Variants in SCN2A observed in about 807,000 individuals in gnomAD.
SCN2A encodes sodium voltage-gated channel alpha subunit 2.
SCN2A carries 20 observed loss-of-function variants against 188.7 expected under a neutral mutation model. The observed-to-expected ratio is 0.11, with a 90% CI of 0.07 to 0.15. The LOEUF (loss-of-function observed/expected upper bound fraction) is 0.15, where lower values mean the gene tolerates loss of function less well. Ranked by LOEUF, SCN2A falls within the 10% of genes least tolerant of loss-of-function variation. The probability of loss-of-function intolerance (pLI) is 1.00; values close to 1 mark genes in which losing one functional copy is unlikely to be tolerated. For missense variants in SCN2A, 1,278 were observed against 2,445.0 expected (o/e 0.52, Z 10.07); for synonymous variants, 804 against 833.1 (o/e 0.97, Z 0.60).
intron 1 of SCN2A, among the ~76,000 whole-genome samples, chr2:165,261,269 T>A (rs1694584081): frequency 6.6e-6 from 1 of 152,234 alleles, no homozygotes; most frequent in Non-Finnish European, 1.5e-5. Flanking sequence ...TTCTCAATTT[T>A]ATCTTTTGTA....
intron 16 of SCN2A, among the ~76,000 whole-genome samples, chr2:165,348,682 G>A (rs1332177742): frequency 6.6e-6 from 1 of 152,188 alleles, no homozygotes; most frequent in Non-Finnish European, 1.5e-5. Flanking sequence ...GATCAGTCAT[G>A]AAGTTGCTGT....
At chr2:165,337,739 G>A (rs1383972858) in intron 14 of SCN2A, among the ~76,000 whole-genome samples, 1 of 151,884 alleles carries the variant, frequency 6.6e-6, no homozygotes, top group East Asian at 1.9e-4. Context: ...AGAATTTTAA[G>A]ATAAACAAAA....
chr2:165,291,474 C>CTTTCTTTCTTTCTT (rs1553563598), intron 1 of SCN2A, among the ~76,000 whole-genome samples: 18 of 37,628 alleles, frequency 4.8e-4, no homozygotes, highest in Non-Finnish European at 7.3e-4. Context: ...TTCTTTCTTT[C>CTTTCTTTCTTTCTT]TTTCTTTCTT....
rs767183298 is a variant in SCN2A, at chr2:165,323,456, G to C, written c.1972G>C (p.Gly658Arg). ...VDCNGVVSLV[G>R]GPSTLTSAGQ... is the part of the protein sequence containing the mutation. ...CTGCAATGGTGTGGTCTCCCTGGTC[G>C]GGGGCCCTTCTACCCTCACATCTGC... Residue 658 changes from glycine to arginine, a missense_variant, in exon 12 of 27, where the codon GGG (glycine) becomes CGG (arginine). Gly to Arg is a moderately radical substitution (Grantham distance 125). This residue lies in a region of SCN2A where 315 missense variants were observed against 386.6 expected (regional missense o/e 0.81). Coordinates refer to ENST00000375437, the MANE Select transcript of SCN2A (RefSeq NM_001040142.2). The C allele has an allele frequency of 6.2e-7, 1 of 1,613,788 alleles. No individual in the cohort carries two copies. The highest frequency in any genetic ancestry group is 2.2e-5 in the East Asian group (1 of 44,862).
chr2:165,291,436 CTCTTTCTT>C lies in SCN2A; in HGVS notation c.-51-4287_-51-4280del, dbSNP rs1220470911. Among the ~76,000 whole-genome samples, 162 of 65,436 alleles carry C rather than the reference CTCTTTCTT, an allele frequency of 2.5e-3. 2 individuals are homozygous for C. Among genetic ancestry groups the C allele is most frequent in the East Asian group, 6.6e-3 (12 of 1,830 alleles). 42.9% of individuals were successfully genotyped at this position (65,436 alleles called of 152,430 possible). On this transcript the variant is annotated intron_variant, in intron 1 of 26. Transcript: ENST00000375437. ...CCTTCCTCCCTGTCTGTCTTTCTTT[CTCTTTCTT>C]TCTTTCTTTCTTTCTTTCTTTCTTT...
At chr2:165,258,312 T>C (rs533302685) in intron 1 of SCN2A, among the ~76,000 whole-genome samples, 5 of 152,324 alleles carry the variant, frequency 3.3e-5, no homozygotes, top group African/African-American at 1.2e-4. Flanking sequence ...TAAGTTTAAG[T>C]ATTTAATCCA....
chr2:165,337,801 A>C (rs910557963), intron 14 of SCN2A, among the ~76,000 whole-genome samples: 2 of 152,226 alleles, frequency 1.3e-5, no homozygotes, highest in African/African-American at 4.8e-5. Flanking sequence ...TGTTAATGGA[A>C]GTTCTTTAGG....
At chr2:165,303,502 C>A (rs1006635539) in intron 3 of SCN2A, among the ~76,000 whole-genome samples, 6 of 152,078 alleles carry the variant, frequency 3.9e-5, no homozygotes, top group Middle Eastern at 3.4e-3. Flanking sequence ...GTCTCGATCT[C>A]CTGACCTCGT....
At chr2:165,293,377 A>G (rs948080891) in intron 1 of SCN2A, among the ~76,000 whole-genome samples, 1 of 152,168 alleles carries the variant, frequency 6.6e-6, no homozygotes, top group Non-Finnish European at 1.5e-5. Context: ...CATTGTGTGT[A>G]CCTCATAGAG....
At chr2:165,289,417 T>C (rs1695998701) in intron 1 of SCN2A, among the ~76,000 whole-genome samples, 2 of 152,110 alleles carry the variant, frequency 1.3e-5, no homozygotes, top group African/African-American at 4.8e-5. Context: ...ATTCTTAAGA[T>C]TTTTTATTTT....
At chr2:165,284,421 G>C (rs182315001) in intron 1 of SCN2A, among the ~76,000 whole-genome samples, 88 of 152,048 alleles carry the variant, frequency 5.8e-4, no homozygotes, top group African/African-American at 2.0e-3. Flanking sequence ...TGCCCACCTC[G>C]GCCTCCCAAA....
At chr2:165,296,503 C>G (rs1014833416) in intron 2 of SCN2A, 1 of 231,968 alleles carries the variant, frequency 4.3e-6, no homozygotes, top group African/African-American at 2.3e-5. Flanking sequence ...TTTATAGTCT[C>G]TAGCTCTCCA....
intron 1 of SCN2A, among the ~76,000 whole-genome samples, chr2:165,293,092 T>C (rs1238022885): frequency 6.6e-6 from 1 of 152,224 alleles, no homozygotes; most frequent in Non-Finnish European, 1.5e-5. Flanking sequence ...GCACAGGCCA[T>C]CTCTTTATTG....
chr2:165,316,841 G>T (rs1302469289), intron 11 of SCN2A, among the ~76,000 whole-genome samples: 3 of 152,218 alleles, frequency 2.0e-5, no homozygotes, highest in Admixed American at 2.0e-4. Flanking sequence ...GATCAGTAAA[G>T]TTAAATAGTT....
chr2:165,308,893 T>C (rs553088586), intron 5 of SCN2A, 99 bp downstream of exon 5: 1 of 1,429,018 alleles, frequency 7.0e-7, no homozygotes, highest in South Asian at 1.2e-5. Context: ...GACCAAGCAT[T>C]TTTCTTAGTA....
At chr2:165,300,226 C>T (rs1040986848) in intron 3 of SCN2A, among the ~76,000 whole-genome samples, 1 of 152,176 alleles carries the variant, frequency 6.6e-6, no homozygotes, top group Non-Finnish European at 1.5e-5. Context: ...GCACACTCCT[C>T]TAATTTATTT....
chr2:165,291,406 T>TCCTC (rs1472207960), intron 1 of SCN2A, among the ~76,000 whole-genome samples: 3 of 122,746 alleles, frequency 2.4e-5, no homozygotes. Flanking sequence ...CTTCCTTCCT[T>TCCTC]CCTTCCTTCC....
intron 12 of SCN2A, among the ~76,000 whole-genome samples, chr2:165,324,978 A>G (rs1199602675): frequency 2.0e-5 from 3 of 151,924 alleles, no homozygotes; most frequent in Non-Finnish European, 4.4e-5. Context: ...TCTTAAAACT[A>G]GAGATTCCTG....
intron 1 of SCN2A, chr2:165,290,779 G>A (rs1574509994): frequency 1.0e-6 from 1 of 985,192 alleles, no homozygotes; most frequent in South Asian, 4.7e-5. Flanking sequence ...TATGGGGAAG[G>A]AATCTTGTAA....
Sources: gnomAD v4.1 joint callset for allele counts (sites outside exome capture counted in the v4.1 genomes callset) on GRCh38, gnomAD v4.1.1 for gene constraint, gnomAD v4.1.1 regional missense constraint, MANE v1.5 for transcripts, NCBI Gene and HGNC (gene_info 2026-07-23, HGNC 2026-07-21) for gene names.